Variants in MARCHF3 observed in about 807,000 individuals in gnomAD.
MARCHF3 encodes the protein E3 ubiquitin-protein ligase MARCHF3.
In MARCHF3, 13 loss-of-function variants were observed where a neutral mutation model predicts 24.2. The observed-to-expected ratio is 0.54, with a 90% CI of 0.35 to 0.85. MARCHF3 has a LOEUF of 0.85. Ranked by LOEUF, MARCHF3 falls within the 40% of genes least tolerant of loss-of-function variation. The pLI is 0.01. For missense variants in MARCHF3, 276 were observed against 325.0 expected, an observed-to-expected ratio of 0.85 and a Z score of 1.16; for synonymous variants, 144 against 137.3, an observed-to-expected ratio of 1.05 and a Z score of -0.34.
At chr5:126,915,218 G>A (rs1358742202) in intron 2 of MARCHF3, 84 bp from the exon 3 acceptor site, 89 of 1,380,764 alleles carry the variant, frequency 6.4e-5, no homozygotes, top group Non-Finnish European at 8.5e-5. Flanking sequence ...TGTCCTTTGG[G>A]CCCTCCCCAG....
chr5:126,904,493 A>C (rs1244038435), intron 3 of MARCHF3, among the ~76,000 whole-genome samples: 1 of 148,104 alleles, frequency 6.8e-6, no homozygotes, highest in East Asian at 2.0e-4. Flanking sequence ...CTGACTTTTT[A>C]ATGATTGCCA....
At chr5:126,932,311 T>C (rs113616423) in intron 1 of MARCHF3, among the ~76,000 whole-genome samples, 2,074 of 152,374 alleles carry the variant, frequency 0.014, 57 homozygotes, top group African/African-American at 0.048. Flanking sequence ...CTTTTCTGTA[T>C]GTCAATTTGC....
intron 1 of MARCHF3, among the ~76,000 whole-genome samples, chr5:127,012,298 C>T (rs991517351): frequency 2.0e-5 from 3 of 152,148 alleles, no homozygotes; most frequent in African/African-American, 7.2e-5. Context: ...CATTTAGAAA[C>T]ATTATAATAG....
rs576166032 is a variant in MARCHF3 at position 126,976,949 on chromosome 5, C to G, written c.-57+53401G>C. ...CATCCTCCAAGACAATTCCTAGGAGCTTTGAAGAGAAAGGAAGGTCTATGT... is the reference window on the plus strand; with the variant it reads ...CATCCTCCAAGACAATTCCTAGGAGGTTTGAAGAGAAAGGAAGGTCTATGT... On this transcript the variant is annotated intron_variant, in intron 1 of 4. Coordinates refer to ENST00000308660, the MANE Select transcript of MARCHF3 (RefSeq NM_178450.5). 1.2e-4 allele frequency among the ~76,000 whole-genome samples: 18 copies of G among 152,342 alleles called. No individual in the cohort carries two copies. The South Asian group carries it at 2.7e-3, about 23-fold the overall frequency.
intron 3 of MARCHF3, among the ~76,000 whole-genome samples, chr5:126,901,766 C>T (rs994403570): frequency 2.6e-5 from 4 of 152,080 alleles, no homozygotes; most frequent in African/African-American, 9.7e-5. Context: ...CTCCCTTCAG[C>T]TCAACCAGGT....
intron 1 of MARCHF3, among the ~76,000 whole-genome samples, chr5:126,969,107 T>C (rs538685833): frequency 6.6e-6 from 1 of 152,258 alleles, no homozygotes; most frequent in African/African-American, 2.4e-5. Context: ...TGTTTTCTTA[T>C]GAGTTTTATA....
chr5:126,984,168 A>G (rs1200094788), intron 1 of MARCHF3, among the ~76,000 whole-genome samples: 4 of 152,138 alleles, frequency 2.6e-5, no homozygotes, highest in African/African-American at 9.7e-5. Flanking sequence ...ATTCCCTGAG[A>G]AGGCAATGTG....
chr5:126,889,845 CTCTG>C (rs1269396011), intron 3 of MARCHF3, among the ~76,000 whole-genome samples: 4 of 152,156 alleles, frequency 2.6e-5, no homozygotes, highest in Non-Finnish European at 2.9e-5. Context: ...TTGTTCTAAA[CTCTG>C]TCTTTGAATT....
At chr5:126,886,664 T>C (rs886691745) in intron 3 of MARCHF3, among the ~76,000 whole-genome samples, 1 of 152,192 alleles carries the variant, frequency 6.6e-6, no homozygotes, top group African/African-American at 2.4e-5. Flanking sequence ...GGCTTCAGGC[T>C]TGTGTGCCCA....
intron 1 of MARCHF3, among the ~76,000 whole-genome samples, chr5:126,979,948 C>CAAAAA (rs757849978): frequency 0.019 from 821 of 42,380 alleles, no homozygotes; most frequent in Non-Finnish European, 0.026. Flanking sequence ...AACTCCATCT[C>CAAAAA]AAAAAAAAAA....
intron 1 of MARCHF3, among the ~76,000 whole-genome samples, chr5:126,977,297 C>A (rs1310629780): frequency 6.6e-6 from 1 of 152,204 alleles, no homozygotes; most frequent in Non-Finnish European, 1.5e-5. Flanking sequence ...GCCTTGGCTG[C>A]TGGAAAGCTT....
chr5:126,890,346 T>A (rs186936606), intron 3 of MARCHF3, among the ~76,000 whole-genome samples: 141 of 151,842 alleles, frequency 9.3e-4, no homozygotes, highest in Non-Finnish European at 1.5e-3. Flanking sequence ...TGCAGGTTAG[T>A]TACATATGTA....
At chr5:127,019,030 A>G (rs73787408) in intron 1 of MARCHF3, among the ~76,000 whole-genome samples, 3,521 of 152,340 alleles carry the variant, frequency 0.023, 56 homozygotes, top group Non-Finnish European at 0.027. Flanking sequence ...TGCCAGAAAT[A>G]TAGAATTATT....
chr5:126,982,073 A>G (rs2126836647), intron 1 of MARCHF3, among the ~76,000 whole-genome samples: 1 of 152,336 alleles, frequency 6.6e-6, no homozygotes, highest in Admixed American at 6.5e-5. Context: ...TAGTTCCAAC[A>G]TGTTATGAGG....
At chr5:126,922,511 C>CTTTTA (rs1411565826) in intron 1 of MARCHF3, among the ~76,000 whole-genome samples, 47 of 112,338 alleles carry the variant, frequency 4.2e-4, no homozygotes, top group South Asian at 2.8e-3. Flanking sequence ...TCATTTCTGT[C>CTTTTA]TTTTATTTAT....
chr5:126,916,688 GACAGACACAC>G (rs1230476191), intron 2 of MARCHF3, among the ~76,000 whole-genome samples: 8 of 76,442 alleles, frequency 1.0e-4, no homozygotes, highest in Non-Finnish European at 1.4e-4. Flanking sequence ...CAGACAGACA[GACAGACACAC>G]ACACACACAC....
chr5:126,903,970 C>A (rs1254426422), intron 3 of MARCHF3, among the ~76,000 whole-genome samples: 1 of 128,968 alleles, frequency 7.8e-6, no homozygotes, highest in Admixed American at 7.9e-5. Context: ...CCCCTCCCCC[C>A]ACCCCACAAC....
At chr5:127,012,749 T>C (rs1177567252) in intron 1 of MARCHF3, among the ~76,000 whole-genome samples, 2 of 152,236 alleles carry the variant, frequency 1.3e-5, no homozygotes, top group African/African-American at 2.4e-5. Context: ...CTCAGTAAAG[T>C]TGATTTACTA....
At chr5:126,922,800 C>A (rs1224477346) in intron 1 of MARCHF3, among the ~76,000 whole-genome samples, 1 of 152,136 alleles carries the variant, frequency 6.6e-6, no homozygotes, top group African/African-American at 2.4e-5. Flanking sequence ...CCCACCTCGG[C>A]CTCCCAAAGT....
Sources: allele counts gnomAD v4.1 joint callset (sites outside exome capture counted in the v4.1 genomes callset), GRCh38; gene constraint gnomAD v4.1.1; transcripts MANE v1.5; gene names NCBI Gene and HGNC (gene_info 2026-07-23, HGNC 2026-07-21).